Variants in ZC2HC1A observed in about 807,000 individuals in gnomAD.
ZC2HC1A encodes the protein zinc finger C2HC-type containing 1A, also known as zinc finger C2HC domain-containing protein 1A.
A neutral mutation model predicts 40.7 loss-of-function variants in ZC2HC1A; 28 were observed. That is an observed-to-expected ratio of 0.69 (90% CI 0.51 to 0.94). The LOEUF is 0.94. ZC2HC1A is among the 40% of genes least tolerant of loss of function. The pLI, the probability that ZC2HC1A is intolerant of heterozygous loss-of-function variation, is 0.00. For synonymous variants in ZC2HC1A, 129 were observed against 129.2 expected, an observed-to-expected ratio of 1.00 and a Z score of 0.01; for missense variants, 389 against 386.3, an observed-to-expected ratio of 1.01 and a Z score of -0.06.
At position 78,708,682 on chromosome 8, in the gene ZC2HC1A, T is replaced by C. The variant is rs6997417; in HGVS notation, c.705-6539T>C. The stretch of plus-strand genomic sequence containing the variant: ...CTAAAAGATGATTATCTTTTTTTTT[T>C]CTTTTTTTTTTTTTTGAGATGGAGT... On this transcript the variant is annotated intron_variant, in intron 7 of 8. Coordinates refer to ENST00000263849, the MANE Select transcript of ZC2HC1A (RefSeq NM_016010.3). Among the ~76,000 whole-genome samples the C allele has an allele frequency of 4.5e-3, 595 of 132,168 alleles. 5 individuals carry two copies. The highest frequency in any genetic ancestry group is 0.03 in the East Asian group (132 of 4,398). 86.7% of individuals were successfully genotyped at this position (132,168 alleles called of 152,430 possible).
chr8:78,699,314 C>A (rs2130552577), intron 7 of ZC2HC1A, among the ~76,000 whole-genome samples: 1 of 151,930 alleles, frequency 6.6e-6, no homozygotes, highest in South Asian at 2.1e-4. Flanking sequence ...TAATATAGAG[C>A]CATATATTTT....
chr8:78,694,047 G>A (rs1810312662), intron 5 of ZC2HC1A, among the ~76,000 whole-genome samples: 1 of 152,124 alleles, frequency 6.6e-6, no homozygotes, highest in East Asian at 1.9e-4. Flanking sequence ...AGTTGTAGAT[G>A]TGTGACATTA....
intron 1 of ZC2HC1A, among the ~76,000 whole-genome samples, chr8:78,668,265 G>T (rs1369633498): frequency 6.6e-6 from 1 of 152,070 alleles, no homozygotes; most frequent in Admixed American, 6.5e-5. Flanking sequence ...TAGAAACATT[G>T]ATACAGTGAT....
chr8:78,667,127 T>C (rs1809322511), intron 1 of ZC2HC1A, among the ~76,000 whole-genome samples: 1 of 152,218 alleles, frequency 6.6e-6, no homozygotes, highest in Non-Finnish European at 1.5e-5. Context: ...TATTGTTGCA[T>C]GCCAGGGAGT....
chr8:78,686,419 A>G, intron 3 of ZC2HC1A, 48 bp from the exon 4 acceptor site: 3 of 1,277,018 alleles, frequency 2.3e-6, no homozygotes, highest in Non-Finnish European at 3.0e-6. Context: ...ATATACTAAA[A>G]AGATACTGTT....
At chr8:78,692,964 G>A (rs904382793) in intron 5 of ZC2HC1A, among the ~76,000 whole-genome samples, 2 of 151,964 alleles carry the variant, frequency 1.3e-5, no homozygotes, top group African/African-American at 4.8e-5. Context: ...TCCCACCTAT[G>A]AGTGAGAACA....
At position 78,715,306 on chromosome 8, in the gene ZC2HC1A, T is replaced by C. The variant is rs765810424; in HGVS notation, c.790T>C (p.Tyr264His). The C allele has an allele frequency of 5.0e-6, 8 of 1,613,586 alleles. No homozygotes were observed. In the South Asian group the frequency reaches 8.8e-5, roughly 18 times the overall value. ...TGTGCTTACAAACAAAAGAAAAACA[T>C]ATACTGAGAGCTACATAGCCAGGTA... ...PGVLTNKRKT[Y>H]TESYIARPDG... is the part of the protein sequence containing the mutation. Residue 264 changes from tyrosine (Y) to histidine (H), a missense_variant, in exon 8 of 9, where the codon TAT becomes CAT. By Grantham distance (83) the Tyr-to-His change is moderately conservative. Coordinates refer to ENST00000263849, the MANE Select transcript of ZC2HC1A (RefSeq NM_016010.3).
intron 1 of ZC2HC1A, among the ~76,000 whole-genome samples, chr8:78,668,701 C>G (rs982578269): frequency 1.3e-5 from 2 of 152,174 alleles, no homozygotes; most frequent in African/African-American, 4.8e-5. Context: ...CTGAGCACTT[C>G]TACATTCTGT....
At chr8:78,686,215 A>C (rs1809964949) in intron 3 of ZC2HC1A, among the ~76,000 whole-genome samples, 1 of 152,174 alleles carries the variant, frequency 6.6e-6, no homozygotes, top group African/African-American at 2.4e-5. Context: ...GAGGATAAAT[A>C]GATGTAACAC....
At position 78,717,501 on chromosome 8, in the gene ZC2HC1A, C is replaced by G. The variant is rs781264276; in HGVS notation, c.*8C>G. On this transcript the variant is annotated 3_prime_UTR_variant, in exon 9 of 9. Coordinates refer to ENST00000263849, the MANE Select transcript of ZC2HC1A (RefSeq NM_016010.3). Reference sequence around the variant, plus strand: ...CGAAGAATGATTCTATGAATAGAATCTCAAAAAAAAAAAAAAGCCAAGTTC... The same window carrying G: ...CGAAGAATGATTCTATGAATAGAATGTCAAAAAAAAAAAAAAGCCAAGTTC... 1 of 1,364,176 alleles carries G rather than the reference C, an allele frequency of 7.3e-7. No homozygotes were observed. The highest frequency in any genetic ancestry group is 3.1e-5 in the Admixed American group (1 of 31,910). 84.5% of individuals were successfully genotyped at this position (1,364,176 alleles called of 1,614,324 possible). A position where few individuals can be genotyped will look rare whatever the true frequency, so the allele number is the denominator to read the frequency against.
At chr8:78,675,889 A>G (rs1198389646) in intron 2 of ZC2HC1A, 26 bp downstream of exon 2, 1 of 1,569,790 alleles carries the variant, frequency 6.4e-7, no homozygotes, top group Non-Finnish European at 8.7e-7. Context: ...TTGTACCTTT[A>G]TGGTTTTACA....
At chr8:78,680,286 CAAAAAAAAAAAA>C (rs3070855) in intron 3 of ZC2HC1A, among the ~76,000 whole-genome samples, 55 of 88,148 alleles carry the variant, frequency 6.2e-4, no homozygotes, top group African/African-American at 2.3e-3. Flanking sequence ...GACTCCGTCT[CAAAAAAAAAAAA>C]AAAAAAAAAA....
Position 78,719,100 on chromosome 8 carries a change from A to G in ZC2HC1A, c.*1607A>G, listed in dbSNP as rs1811188621. 6.6e-6 allele frequency: 1 copy of G among 151,772 alleles called. No individual in the cohort carries two copies. Among genetic ancestry groups the G allele is most frequent in the Admixed American group, 6.6e-5 (1 of 15,240 alleles). The allele number at this position is 151,772 out of a possible 1,614,324, so 9.4% of individuals were successfully genotyped here. On this transcript the variant is annotated 3_prime_UTR_variant, in exon 9 of 9. Coordinates refer to ENST00000263849, the MANE Select transcript of ZC2HC1A (RefSeq NM_016010.3). ...AAACAAAGAAACAAATAGTCCATCA[A>G]CTAAAATAAGCTGTAATGAATTTAG... is the stretch of plus-strand genomic sequence containing the variant.
intron 7 of ZC2HC1A, among the ~76,000 whole-genome samples, chr8:78,714,754 G>A (rs1387702322): frequency 6.6e-6 from 1 of 152,086 alleles, no homozygotes; most frequent in Non-Finnish European, 1.5e-5. Context: ...TTTAGTTGCT[G>A]CTTTTTAGAA....
chr8:78,699,498 A>G (rs1327622976), intron 7 of ZC2HC1A, among the ~76,000 whole-genome samples: 1 of 152,050 alleles, frequency 6.6e-6, no homozygotes, highest in Admixed American at 6.6e-5. Context: ...CAGGGATACA[A>G]GTGCAGGTTT....
At chr8:78,666,764 C>G (rs986935709) in intron 1 of ZC2HC1A, among the ~76,000 whole-genome samples, 12 of 152,174 alleles carry the variant, frequency 7.9e-5, no homozygotes, top group Admixed American at 3.9e-4. Context: ...GACTTATTCA[C>G]GGCCGCTGTG....
chr8:78,703,632 G>A (rs538422466), intron 7 of ZC2HC1A, among the ~76,000 whole-genome samples: 1 of 150,298 alleles, frequency 6.7e-6, no homozygotes, highest in African/African-American at 2.5e-5. Context: ...CATTTGCTTG[G>A]TAAATTTTTC....
chr8:78,706,685 C>A (rs958248015), intron 7 of ZC2HC1A, among the ~76,000 whole-genome samples: 1 of 152,104 alleles, frequency 6.6e-6, no homozygotes, highest in African/African-American at 2.4e-5. Context: ...GATGAAGGTG[C>A]TGTATTTACT....
intron 7 of ZC2HC1A, among the ~76,000 whole-genome samples, chr8:78,705,095 T>A (rs1222261536): frequency 6.6e-6 from 1 of 152,206 alleles, no homozygotes; most frequent in East Asian, 1.9e-4. Flanking sequence ...GAATTCTGCT[T>A]CTTTCATTTC....
Sources: allele counts gnomAD v4.1 joint callset (sites outside exome capture counted in the v4.1 genomes callset), GRCh38; gene constraint gnomAD v4.1.1; transcripts MANE v1.5; gene names NCBI Gene and HGNC (gene_info 2026-07-23, HGNC 2026-07-21).